Variants in MED20 observed in about 807,000 individuals in gnomAD.
The protein encoded by MED20 is mediator complex subunit 20.
In MED20, 19 loss-of-function variants were observed where a neutral mutation model predicts 19.7. That is an observed-to-expected ratio of 0.96 (90% CI 0.67 to 1.42). MED20 has a LOEUF of 1.42. Among genes scored for constraint, MED20 ranks in the 40% most tolerant of loss-of-function variants. The probability of loss-of-function intolerance (pLI) is 0.00; values close to 1 mark genes in which losing one functional copy is unlikely to be tolerated. For missense variants in MED20, 225 were observed against 273.0 expected (o/e 0.82, Z 1.24); for synonymous variants, 105 against 104.8 (o/e 1.00, Z -0.01).
chr6:41,909,187 GAGA>G (rs1775127372), intron 3 of MED20, 79 bp downstream of exon 3: 2 of 1,383,442 alleles, frequency 1.4e-6, no homozygotes, highest in Non-Finnish European at 1.9e-6. Context: ...AAAAAAAAAA[GAGA>G]AGAACTGGAA....
intron 3 of MED20, 67 bp downstream of exon 3, chr6:41,909,202 A>C (rs901740690): frequency 5.2e-5 from 80 of 1,538,578 alleles, no homozygotes; most frequent in Admixed American, 1.5e-4. Flanking sequence ...GAACTGGAAA[A>C]TCTTCAGAGC....
Position 41,910,903 on chromosome 6 carries a change from G to A in MED20, c.170-1381C>T, listed in dbSNP as rs189194693. ...GTGGGTGGATCACTTGAGGTCAGGA[G>A]TTCGAGACCAGCCTGGCCAACATGG... On this transcript the variant is annotated intron_variant, in intron 2 of 3. Transcript: ENST00000265350. Among the ~76,000 whole-genome samples, 630 of 151,928 alleles carry A rather than the reference G, an allele frequency of 4.1e-3. 7 individuals carry two copies. Among genetic ancestry groups the A allele is most frequent in the African/African-American group, 0.014 (596 of 41,506 alleles).
chr6:41,913,449 T>A (rs1025708056), intron 2 of MED20, among the ~76,000 whole-genome samples: 1 of 152,240 alleles, frequency 6.6e-6, no homozygotes, highest in Non-Finnish European at 1.5e-5. Flanking sequence ...TGCCATCTCA[T>A]ATCTATATCC....
chr6:41,910,561 G>A (rs1030945707), intron 2 of MED20, among the ~76,000 whole-genome samples: 2 of 151,740 alleles, frequency 1.3e-5, no homozygotes, highest in Admixed American at 6.6e-5. Flanking sequence ...GAACCCAGGA[G>A]GCAGAGGTTG....
In MED20 at chr6:41,905,779, G is replaced by A. The variant is rs1775030850; in HGVS notation, c.*1293C>T. On this transcript the variant is annotated 3_prime_UTR_variant, in exon 4 of 4. Coordinates refer to ENST00000265350, the MANE Select transcript of MED20 (RefSeq NM_004275.5). ...AAATGAAACAGGAGAAAGAGCTCAG[G>A]AACCATGAAGCATGGTGCAGGTATC... 6.6e-6 allele frequency: 1 copy of A among 152,166 alleles called. No individual in the cohort carries two copies. The allele number at this position is 152,166 out of a possible 1,614,324, so 9.4% of individuals were successfully genotyped here.
chr6:41,914,295 G>A (rs941363377), intron 2 of MED20, among the ~76,000 whole-genome samples: 2 of 152,198 alleles, frequency 1.3e-5, no homozygotes, highest in African/African-American at 4.8e-5. Flanking sequence ...CAGAGGGAGA[G>A]GAACACTGTG....
intron 1 of MED20, 67 bp from the exon 2 acceptor site, chr6:41,917,006 C>T (rs1053059974): frequency 1.9e-4 from 297 of 1,570,518 alleles, no homozygotes; most frequent in Non-Finnish European, 2.7e-5. Context: ...GCCATTCACT[C>T]GCCCACAGCA....
intron 2 of MED20, 24 bp downstream of exon 2, chr6:41,916,761 A>T: frequency 1.9e-6 from 3 of 1,612,016 alleles, no homozygotes; most frequent in Non-Finnish European, 2.5e-6. Flanking sequence ...GGTTCCAGCC[A>T]TCCTACAGAC....
intron 2 of MED20, among the ~76,000 whole-genome samples, chr6:41,914,024 G>T (rs1582059709): frequency 6.6e-6 from 1 of 152,176 alleles, no homozygotes; most frequent in East Asian, 1.9e-4. Context: ...GTACTGGGAA[G>T]AGTCCAAAAA....
In MED20 at chr6:41,909,262, G is replaced by T. The variant is rs762382225; in HGVS notation, c.423+7C>A. ...ACATCCTGCTCCTATTTTCACCAAGGTCTTACCTCCACAGAGATGCCCCGG... is the reference window on the plus strand; with the variant it reads ...ACATCCTGCTCCTATTTTCACCAAGTTCTTACCTCCACAGAGATGCCCCGG... On this transcript the variant is annotated splice_region_variant and intron_variant, in intron 3 of 3. Transcript: ENST00000265350. 2.5e-6 allele frequency: 4 copies of T among 1,612,916 alleles called. No individual in the cohort carries two copies. The Admixed American group carries it at 6.7e-5, about 27-fold the overall frequency.
At chr6:41,917,815 G>C in intron 1 of MED20, 2 of 470,836 alleles carry the variant, frequency 4.2e-6, no homozygotes, top group South Asian at 1.5e-5. Flanking sequence ...AACTTGAGCT[G>C]TTCAGCACAG....
intron 1 of MED20, among the ~76,000 whole-genome samples, chr6:41,918,278 C>CA (rs1473389957): frequency 6.7e-6 from 1 of 149,616 alleles, no homozygotes. Context: ...CCGAGGTGGG[C>CA]GGATCACTTG....
chr6:41,909,308 C>T lies in MED20; in HGVS notation c.384G>A (p.Thr128=), dbSNP rs544245120. Residue 128 remains threonine (T), a synonymous_variant, in exon 3 of 4, where the codon ACG becomes ACA. Transcript: ENST00000265350. ...QYCDFLVKVG[T]VTMGPSARGI... is the part of the protein sequence containing the mutation. ...CCCGGGCACTGGGCCCCATTGTGAC[C>T]GTGCCCACCTTCACCAGGAAGTCAC... 194 of 1,614,082 alleles carry T rather than the reference C, an allele frequency of 1.2e-4. 1 individual carries two copies. In the South Asian group the frequency reaches 1.4e-3, roughly 12 times the overall value.
chr6:41,916,222 G>A (rs754711011), intron 2 of MED20, among the ~76,000 whole-genome samples: 4 of 151,908 alleles, frequency 2.6e-5, no homozygotes, highest in Non-Finnish European at 5.9e-5. Flanking sequence ...CTGCACTCCA[G>A]CCTGGGAGAC....
At chr6:41,918,248 A>G (rs1210115551) in intron 1 of MED20, among the ~76,000 whole-genome samples, 1 of 152,208 alleles carries the variant, frequency 6.6e-6, no homozygotes, top group Non-Finnish European at 1.5e-5. Flanking sequence ...TCACGCCTGT[A>G]ATCCCAGCAC....
intron 3 of MED20, among the ~76,000 whole-genome samples, chr6:41,907,790 T>C (rs1775094295): frequency 6.6e-6 from 1 of 152,072 alleles, no homozygotes; most frequent in East Asian, 1.9e-4. Context: ...TAGTGTGTCA[T>C]GGGCCAAAAA....
intron 1 of MED20, chr6:41,920,679 A>C (rs78677239): frequency 3.8e-6 from 1 of 261,574 alleles, no homozygotes; most frequent in Middle Eastern, 1.1e-3. Context: ...GGACTACAGG[A>C]GAATCGCTTG....
At chr6:41,909,227 C>T (rs888757494) in intron 3 of MED20, 42 bp downstream of exon 3, 3 of 1,586,678 alleles carry the variant, frequency 1.9e-6, no homozygotes, top group Non-Finnish European at 2.6e-6. Flanking sequence ...TGCTAAGCAG[C>T]CCCCTCAGAA....
chr6:41,918,269 C>T (rs1014157753), intron 1 of MED20, among the ~76,000 whole-genome samples: 29 of 151,556 alleles, frequency 1.9e-4, no homozygotes, highest in Admixed American at 1.6e-3. Context: ...TTTGGGAGGC[C>T]GAGGTGGGCG....
Sources: allele counts gnomAD v4.1 joint callset (sites outside exome capture counted in the v4.1 genomes callset), GRCh38; gene constraint gnomAD v4.1.1; transcripts MANE v1.5; gene names NCBI Gene and HGNC (gene_info 2026-07-23, HGNC 2026-07-21).